The following FRAS1 variants were observed in gnomAD, a reference collection of about 807,000 sequenced individuals.
FRAS1 encodes extracellular matrix organizing protein FRAS1.
In FRAS1, 290 loss-of-function variants were observed where a neutral mutation model predicts 435.2. That is an observed-to-expected ratio of 0.67 (90% CI 0.61 to 0.73). FRAS1 has a LOEUF of 0.73. FRAS1 is among the 30% of genes least tolerant of loss of function. The pLI is 0.00. For synonymous variants in FRAS1, 1,800 were observed against 1,851.0 expected (o/e 0.97, Z 0.71); for missense variants, 4,860 against 5,001.5 (o/e 0.97, Z 0.85).
Position 78,432,583 on chromosome 4 carries a change from T to C in FRAS1, c.5196T>C (p.Thr1732=), listed in dbSNP as rs746814334. 1.9e-6 allele frequency: 3 copies of C among 1,598,426 alleles called. No individual in the cohort carries two copies. Among genetic ancestry groups the C allele is most frequent in the East Asian group, 2.2e-5 (1 of 44,670 alleles). ...TVASKSTAII[T]RSHLAYVDDS... ...CCAGTAAAAGCACAGCCATAATCAC[T>C]AGGTCACACCTTGCTTACGTGGTAA... The change falls in exon 38 of 74, where the codon ACT becomes ACC. Residue 1732 remains threonine, a synonymous_variant. Transcript: ENST00000512123.
At chr4:78,095,344 G>A (rs903481327) in intron 2 of FRAS1, among the ~76,000 whole-genome samples, 1 of 152,186 alleles carries the variant, frequency 6.6e-6, no homozygotes, top group Non-Finnish European at 1.5e-5. Context: ...GGAAATTTGA[G>A]CATATTTTCC....
chr4:78,224,638 T>C (rs914561637), intron 2 of FRAS1, among the ~76,000 whole-genome samples: 4 of 151,806 alleles, frequency 2.6e-5, no homozygotes, highest in African/African-American at 9.7e-5. Context: ...TCTCAAGCAA[T>C]CCCCCCACCT....
chr4:78,160,269 A>G (rs1457516195), intron 2 of FRAS1, among the ~76,000 whole-genome samples: 1 of 152,270 alleles, frequency 6.6e-6, no homozygotes, highest in Non-Finnish European at 1.5e-5. Flanking sequence ...CAAGAGTTCC[A>G]TAAGTTACAA....
chr4:78,453,325 G>C (rs1719083972), intron 47 of FRAS1, among the ~76,000 whole-genome samples: 1 of 152,182 alleles, frequency 6.6e-6, no homozygotes, highest in South Asian at 2.1e-4. Flanking sequence ...ATTTCACCTA[G>C]AGCAGCAGCC....
chr4:78,262,426 C>T (rs1726155342), intron 6 of FRAS1, among the ~76,000 whole-genome samples: 2 of 152,146 alleles, frequency 1.3e-5, no homozygotes, highest in South Asian at 4.1e-4. Flanking sequence ...AGTGGCCACA[C>T]ATTGGAGGGA....
At position 78,143,168 on chromosome 4, in the gene FRAS1, A is replaced by G. The variant is rs146459684; in HGVS notation, c.108+77152A>G. ...GATGAAAATAAAAGGTTGGCAAATG[A>G]AATACCATGCAAACACTAATCAGAA... On this transcript the variant is annotated intron_variant, in intron 2 of 73. Coordinates refer to ENST00000512123, the MANE Select transcript of FRAS1 (RefSeq NM_025074.7). Among the ~76,000 whole-genome samples, 441 of 152,320 alleles carry G rather than the reference A, an allele frequency of 2.9e-3. 3 individuals carry two copies. Among genetic ancestry groups the G allele is most frequent in the African/African-American group, 9.9e-3 (412 of 41,580 alleles).
intron 31 of FRAS1, among the ~76,000 whole-genome samples, chr4:78,409,118 CAAA>C (rs35627834): frequency 1.1e-5 from 1 of 94,350 alleles, no homozygotes; most frequent in Admixed American, 1.2e-4. Context: ...GACCCTCTCT[CAAA>C]AAAAAAAAAA....
chr4:78,371,954 C>G (rs967126880), intron 23 of FRAS1, among the ~76,000 whole-genome samples: 2 of 152,152 alleles, frequency 1.3e-5, no homozygotes, highest in African/African-American at 4.8e-5. Context: ...TTAACAACCC[C>G]CCTGGATTAT....
Position 78,284,426 on chromosome 4 carries a change from T to G in FRAS1, c.1277T>G (p.Leu426Trp). The G allele has an allele frequency of 6.2e-7, 1 of 1,613,904 alleles. No individual in the cohort carries two copies. The highest frequency in any genetic ancestry group is 8.5e-7 in the Non-Finnish European group (1 of 1,179,850). Reference protein sequence around the residue: ...CTSVHCHPDCLTCSQSPDHCD... With the variant: ...CTSVHCHPDCWTCSQSPDHCD... ...TCAGTTCATTGCCATCCAGATTGTT[T>G]GACATGCTCTCAGTCTCCAGACCAC... Residue 426 changes from leucine to tryptophan, a missense_variant, in exon 13 of 74, where the codon TTG (leucine) becomes TGG (tryptophan). Coordinates refer to ENST00000512123, the MANE Select transcript of FRAS1 (RefSeq NM_025074.7).
In FRAS1 at chr4:78,288,657, G is replaced by C. The variant is rs562294236; in HGVS notation, c.1534+2118G>C. ...AACCAATTTGCTTTAGTTCAGGCTGGTTGCATTTTTATGCATAAAATAAGG... is the reference window on the plus strand; with the variant it reads ...AACCAATTTGCTTTAGTTCAGGCTGCTTGCATTTTTATGCATAAAATAAGG... On this transcript the variant is annotated intron_variant, in intron 14 of 73. Coordinates refer to ENST00000512123, the MANE Select transcript of FRAS1 (RefSeq NM_025074.7). 1.5e-3 allele frequency among the ~76,000 whole-genome samples: 231 copies of C among 152,032 alleles called. 1 individual carries two copies. The highest frequency in any genetic ancestry group is 2.6e-3 in the Non-Finnish European group (179 of 67,988).
At chr4:78,514,963 G>A (rs1721158689) in intron 65 of FRAS1, among the ~76,000 whole-genome samples, 1 of 151,710 alleles carries the variant, frequency 6.6e-6, no homozygotes. Context: ...AGCTACTCGG[G>A]AGGCTGAGAC....
chr4:78,105,806 C>G (rs1054352000), intron 2 of FRAS1, among the ~76,000 whole-genome samples: 2 of 151,156 alleles, frequency 1.3e-5, no homozygotes, highest in South Asian at 2.1e-4. Context: ...ACGCAGAAGA[C>G]GGATGATTTC....
intron 70 of FRAS1, among the ~76,000 whole-genome samples, chr4:78,532,485 C>G (rs1307408337): frequency 6.6e-6 from 1 of 152,180 alleles, no homozygotes; most frequent in East Asian, 1.9e-4. Flanking sequence ...ATACCCATCT[C>G]CTCACTTAGT....
At chr4:78,522,098 A>C (rs1403346919) in intron 68 of FRAS1, among the ~76,000 whole-genome samples, 2 of 152,242 alleles carry the variant, frequency 1.3e-5, no homozygotes, top group Admixed American at 6.5e-5. Context: ...TTAATCTAAA[A>C]TATTCCCCCT....
chr4:78,393,737 C>A (rs72657085), intron 29 of FRAS1, among the ~76,000 whole-genome samples: 40,305 of 151,960 alleles, frequency 0.27, 5,543 homozygotes, highest in Admixed American at 0.32. Context: ...GTGCAGATAG[C>A]TCTTCAACAT....
intron 18 of FRAS1, among the ~76,000 whole-genome samples, chr4:78,327,143 G>A (rs1056379247): frequency 5.3e-5 from 8 of 152,174 alleles, no homozygotes; most frequent in Non-Finnish European, 1.2e-4. Context: ...GATTGCTGGA[G>A]GCCTGAAGTT....
chr4:78,237,849 G>C (rs895497262), intron 3 of FRAS1, among the ~76,000 whole-genome samples: 2 of 152,056 alleles, frequency 1.3e-5, no homozygotes, highest in African/African-American at 4.8e-5. Context: ...ATTTACTCTG[G>C]ACCAGGGACT....
chr4:78,093,394 T>C (rs1309051828), intron 2 of FRAS1, among the ~76,000 whole-genome samples: 2 of 152,222 alleles, frequency 1.3e-5, no homozygotes, highest in Admixed American at 1.3e-4. Flanking sequence ...TCTCTATTTT[T>C]ACAGCTGCTA....
intron 2 of FRAS1, among the ~76,000 whole-genome samples, chr4:78,135,994 G>A (rs1719901138): frequency 6.6e-6 from 1 of 152,154 alleles, no homozygotes; most frequent in African/African-American, 2.4e-5. Context: ...TGTTTTATGT[G>A]TGCTTTTGCT....
Sources: gnomAD v4.1 joint callset for allele counts (sites outside exome capture counted in the v4.1 genomes callset) on GRCh38, gnomAD v4.1.1 for gene constraint, MANE v1.5 for transcripts, NCBI Gene and HGNC (gene_info 2026-07-23, HGNC 2026-07-21) for gene names.